The following ABLIM1 variants were observed in gnomAD, a reference collection of about 807,000 sequenced individuals.
ABLIM1 encodes the protein actin binding LIM protein 1, also known as actin-binding LIM protein 1.
ABLIM1 carries 40 observed loss-of-function variants against 107.0 expected under a neutral mutation model. That is an observed-to-expected ratio of 0.37 (90% confidence interval 0.29 to 0.49). The LOEUF is 0.49. Among genes scored for constraint, ABLIM1 ranks in the 20% least tolerant of loss-of-function variants. ABLIM1 has a pLI of 0.97. For synonymous variants in ABLIM1, 357 were observed against 357.3 expected (o/e 1.00, Z 0.01); for missense variants, 857 against 1,008.5 (o/e 0.85, Z 2.04).
At chr10:114,567,280 T>C (rs1018185763) in intron 4 of ABLIM1, among the ~76,000 whole-genome samples, 10 of 152,226 alleles carry the variant, frequency 6.6e-5, no homozygotes, top group South Asian at 4.1e-4. Flanking sequence ...GGGAGCCAGA[T>C]CACCTGGGTT....
chr10:114,557,060 A>C (rs1243299213), intron 4 of ABLIM1, among the ~76,000 whole-genome samples: 1 of 152,248 alleles, frequency 6.6e-6, no homozygotes, highest in African/African-American at 2.4e-5. Context: ...TGGGGAAGTC[A>C]AAACATTCAT....
intron 6 of ABLIM1, among the ~76,000 whole-genome samples, chr10:114,522,755 C>T (rs1006921081): frequency 6.6e-6 from 1 of 152,214 alleles, no homozygotes; most frequent in Non-Finnish European, 1.5e-5. Context: ...TTTGTTTCCT[C>T]TTTGATGAAG....
At chr10:114,444,446 T>C (rs1018224059) in intron 16 of ABLIM1, among the ~76,000 whole-genome samples, 11 of 152,192 alleles carry the variant, frequency 7.2e-5, no homozygotes, top group African/African-American at 2.7e-4. Flanking sequence ...TGTGTGTGGA[T>C]TTTTGATGTG....
chr10:114,441,122 G>T, intron 18 of ABLIM1, 45 bp from the exon 19 acceptor site: 2 of 1,528,138 alleles, frequency 1.3e-6, no homozygotes, highest in Non-Finnish European at 1.8e-6. Flanking sequence ...CATAGTGATC[G>T]TTTTGGAGTC....
At chr10:114,732,988 C>T (rs909742749) in intron 1 of ABLIM1, among the ~76,000 whole-genome samples, 1 of 152,046 alleles carries the variant, frequency 6.6e-6, no homozygotes, top group Admixed American at 6.5e-5. Context: ...GTCCATCTAG[C>T]GTAAATATAA....
chr10:114,521,409 GAACA>G (rs2063714297), intron 6 of ABLIM1, among the ~76,000 whole-genome samples: 1 of 152,200 alleles, frequency 6.6e-6, no homozygotes, highest in Non-Finnish European at 1.5e-5. Flanking sequence ...AAGGCAATAA[GAACA>G]AACAATAATT....
At chr10:114,656,124 G>T (rs779939702) in intron 1 of ABLIM1, among the ~76,000 whole-genome samples, 8 of 152,020 alleles carry the variant, frequency 5.3e-5, no homozygotes, top group Admixed American at 1.3e-4. Context: ...TACAAAATTA[G>T]CCAGGTGTGG....
rs183799420 is a variant in ABLIM1, at chr10:114,709,745, C to T, written c.-213+58316G>A. Among the ~76,000 whole-genome samples the T allele has an allele frequency of 8.7e-3, 1,280 of 147,272 alleles. 6 individuals are homozygous for T. Among genetic ancestry groups the T allele is most frequent in the Non-Finnish European group, 0.014 (952 of 67,958 alleles). On this transcript the variant is annotated intron_variant, in intron 1 of 15. Transcript: ENST00000651092. ...TAGCAGGGAAAATATTATACAGGTACGTCAGAACATGTTTATTAATCAGCT... is the reference window on the plus strand; with the variant it reads ...TAGCAGGGAAAATATTATACAGGTATGTCAGAACATGTTTATTAATCAGCT...
At chr10:114,527,593 G>C in intron 6 of ABLIM1, among the ~76,000 whole-genome samples, 1 of 151,922 alleles carries the variant, frequency 6.6e-6, no homozygotes, top group East Asian at 1.9e-4. Context: ...TTTCTCCAGT[G>C]ATGGCACAGC....
At chr10:114,788,143 A>G in the ABLIM1 span, among the ~76,000 whole-genome samples, 1 of 151,620 alleles carries the variant, frequency 6.6e-6, no homozygotes, top group South Asian at 2.1e-4. Flanking sequence ...ATGCTCGTTA[A>G]GAGTCATCAC....
intron 12 of ABLIM1, among the ~76,000 whole-genome samples, chr10:114,464,604 A>G (rs1251744139): frequency 6.6e-6 from 1 of 152,228 alleles, no homozygotes; most frequent in East Asian, 1.9e-4. Flanking sequence ...ATTCCTGAGA[A>G]CTTTCATTTA....
intron 10 of ABLIM1, among the ~76,000 whole-genome samples, chr10:114,469,007 A>ACG (rs1565426870): frequency 7.0e-6 from 1 of 143,064 alleles, no homozygotes; most frequent in Non-Finnish European, 1.5e-5. Flanking sequence ...AGCCGAGATC[A>ACG]CGCCACTGCA....
intron 1 of ABLIM1, among the ~76,000 whole-genome samples, chr10:114,617,684 T>C (rs757313899): frequency 3.9e-5 from 6 of 152,218 alleles, no homozygotes; most frequent in Non-Finnish European, 8.8e-5. Context: ...CAACTGACTT[T>C]CATTAACATT....
chr10:114,637,479 T>C (rs1031077616), intron 1 of ABLIM1, among the ~76,000 whole-genome samples: 1 of 152,230 alleles, frequency 6.6e-6, no homozygotes, highest in African/African-American at 2.4e-5. Flanking sequence ...ATTTTTTCCA[T>C]ATGAATCTCA....
Position 114,491,853 on chromosome 10 carries a change from C to A in ABLIM1, c.920G>T (p.Ser307Ile). 6.2e-7 allele frequency: 1 copy of A among 1,610,598 alleles called. No individual in the cohort carries two copies. Among genetic ancestry groups the A allele is most frequent in the Non-Finnish European group, 8.5e-7 (1 of 1,177,262 alleles). Residue 307 changes from serine to isoleucine, a missense_variant, in exon 7 of 23, where the codon AGC becomes ATC. Physicochemically the swap from Ser to Ile is moderately radical, Grantham distance 142. Coordinates refer to ENST00000533213, the MANE Select transcript of ABLIM1 (RefSeq NM_002313.7). Reference sequence around the variant, plus strand: ...GTTGCATCTGCTGCATCGTGCACAGCTGGGGTGGTAATGTTTGTCACCTGC... The same window carrying A: ...GTTGCATCTGCTGCATCGTGCACAGATGGGGTGGTAATGTTTGTCACCTGC... ...LEAGDKHYHP[S>I]CARCSRCNQM...
At position 114,445,286 on chromosome 10, in the gene ABLIM1, A is replaced by G. The variant is rs767005533; in HGVS notation, c.1827+26T>C. On this transcript the variant is annotated intron_variant, in intron 16 of 22. Coordinates refer to ENST00000533213, the MANE Select transcript of ABLIM1 (RefSeq NM_002313.7). ...ATCTTATGTAACTAGCATTGAAGAC[A>G]GCAGCAAGGTAGTTTAAGGACAAAC... 12 of 1,594,744 alleles carry G rather than the reference A, an allele frequency of 7.5e-6. No individual in the cohort carries two copies. The Admixed American group carries it at 2.0e-4, about 27-fold the overall frequency.
chr10:114,582,183 A>G (rs917530418), intron 2 of ABLIM1, among the ~76,000 whole-genome samples: 4 of 152,174 alleles, frequency 2.6e-5, no homozygotes, highest in Non-Finnish European at 4.4e-5. Context: ...GGTACAAAAT[A>G]AATATACAAA....
chr10:114,441,093 A>G lies in ABLIM1; in HGVS notation c.1999-16T>C. 6.4e-7 allele frequency: 1 copy of G among 1,568,592 alleles called. No homozygotes were observed. Among genetic ancestry groups the G allele is most frequent in the South Asian group, 1.2e-5 (1 of 85,332 alleles). On this transcript the variant is annotated splice_polypyrimidine_tract_variant and intron_variant, in intron 18 of 22. Coordinates refer to ENST00000533213, the MANE Select transcript of ABLIM1 (RefSeq NM_002313.7). ...TAGAAACAGGCTGAAATGAGGAAAA[A>G]CAATTATTAGGAAATCTCCATAGTG...
chr10:114,761,500 A>G (rs1334876779), intron 1 of ABLIM1, among the ~76,000 whole-genome samples: 4 of 152,042 alleles, frequency 2.6e-5, no homozygotes, highest in Admixed American at 2.6e-4. Flanking sequence ...GTCATGCGCA[A>G]CCATCTCTCT....
Sources: gnomAD v4.1 joint callset for allele counts (sites outside exome capture counted in the v4.1 genomes callset) on GRCh38, gnomAD v4.1.1 for gene constraint, MANE v1.5 for transcripts, NCBI Gene and HGNC (gene_info 2026-07-23, HGNC 2026-07-21) for gene names.